The following SNX29 variants were observed in gnomAD, a reference collection of about 807,000 sequenced individuals.
The protein encoded by SNX29 is sorting nexin-29.
SNX29 carries 78 observed loss-of-function variants against 102.1 expected under a neutral mutation model. That is an observed-to-expected ratio of 0.76 (90% CI 0.64 to 0.92). SNX29 has a LOEUF of 0.92. Ranked by LOEUF, SNX29 falls within the 40% of genes least tolerant of loss-of-function variation. SNX29 has a pLI of 0.00. For synonymous variants in SNX29, 580 were observed against 414.5 expected (o/e 1.40, Z -4.85); for missense variants, 1,280 against 1,061.7 (o/e 1.21, Z -2.86).
At chr16:12,194,622 GTTTT>G (rs34250906) in intron 13 of SNX29, among the ~76,000 whole-genome samples, 3 of 129,164 alleles carry the variant, frequency 2.3e-5, no homozygotes, top group African/African-American at 2.9e-5. Context: ...GGGGTGGGTA[GTTTT>G]TTTTTTTTTT....
intron 15 of SNX29, among the ~76,000 whole-genome samples, chr16:12,310,094 ACACACATGCACACATACACGTGCACG>A (rs1489785989): frequency 2.1e-5 from 3 of 142,784 alleles, no homozygotes; most frequent in African/African-American, 5.5e-5. Flanking sequence ...GCACACATGC[ACACACATGCACACATACACGTGCACG>A]CACACATGCA....
intron 13 of SNX29, among the ~76,000 whole-genome samples, chr16:12,156,114 T>C (rs1015613085): frequency 6.6e-6 from 1 of 152,238 alleles, no homozygotes; most frequent in Non-Finnish European, 1.5e-5. Context: ...AACGTTTCTC[T>C]CTACCAAGAC....
intron 17 of SNX29, among the ~76,000 whole-genome samples, chr16:12,401,217 G>A (rs998677492): frequency 3.9e-5 from 6 of 152,140 alleles, no homozygotes; most frequent in Non-Finnish European, 7.3e-5. Context: ...AAACCAATTA[G>A]ATTTAACAGC....
chr16:12,036,803 T>G (rs2057489440), intron 4 of SNX29, among the ~76,000 whole-genome samples: 1 of 152,166 alleles, frequency 6.6e-6, no homozygotes, highest in African/African-American at 2.4e-5. Flanking sequence ...GTCAGATGAC[T>G]GAAGAACATG....
In SNX29 at chr16:12,152,264, C is replaced by A. The variant is rs535078477; in HGVS notation, c.1595+22506C>A. 5.3e-5 allele frequency among the ~76,000 whole-genome samples: 8 copies of A among 152,124 alleles called. 1 individual carries two copies. Among genetic ancestry groups the A allele is most frequent in the East Asian group, 3.9e-4 (2 of 5,164 alleles). Reference sequence around the variant, plus strand: ...ATAATACACATGAAAAGATTCACATCGTAGAATCTTTGGTTTCTGTGATAC... The same window carrying A: ...ATAATACACATGAAAAGATTCACATAGTAGAATCTTTGGTTTCTGTGATAC... On this transcript the variant is annotated intron_variant, in intron 13 of 20. Transcript: ENST00000566228.
chr16:12,325,906 G>A (rs185977165), intron 15 of SNX29, among the ~76,000 whole-genome samples: 303 of 152,150 alleles, frequency 2.0e-3, no homozygotes, highest in African/African-American at 6.5e-3. Flanking sequence ...GCATGTACCC[G>A]TAGTTTCGAC....
At chr16:12,331,246 A>G (rs2081284403) in intron 15 of SNX29, among the ~76,000 whole-genome samples, 1 of 152,144 alleles carries the variant, frequency 6.6e-6, no homozygotes, top group African/African-American at 2.4e-5. Context: ...ACTCCTACAC[A>G]GAGATCATGA....
At chr16:12,008,856 C>G (rs1414846393) in intron 3 of SNX29, among the ~76,000 whole-genome samples, 2 of 151,830 alleles carry the variant, frequency 1.3e-5, no homozygotes, top group Admixed American at 1.3e-4. Flanking sequence ...ATTCTCTTGA[C>G]TCAGCCTCCC....
chr16:12,026,905 T>C (rs1325225300), intron 3 of SNX29, among the ~76,000 whole-genome samples: 3 of 152,218 alleles, frequency 2.0e-5, no homozygotes, highest in Admixed American at 2.0e-4. Context: ...AACATAATCT[T>C]GTTCCTTAAA....
chr16:12,294,118 A>T (rs2079897810), intron 15 of SNX29, among the ~76,000 whole-genome samples: 1 of 152,210 alleles, frequency 6.6e-6, no homozygotes, highest in African/African-American at 2.4e-5. Flanking sequence ...GAATGTGAGA[A>T]TCGAAATCCT....
chr16:12,191,728 G>A (rs1408732352), intron 13 of SNX29, among the ~76,000 whole-genome samples: 1 of 151,050 alleles, frequency 6.6e-6, no homozygotes, highest in Non-Finnish European at 1.5e-5. Context: ...TTCAACATTG[G>A]TTGTTTTATT....
Position 11,999,380 on chromosome 16 carries a change from G to T in SNX29, c.69+22G>T, listed in dbSNP as rs762649488. The T allele has an allele frequency of 2.5e-6, 4 of 1,613,470 alleles. No individual in the cohort carries two copies. In the East Asian group the frequency reaches 8.9e-5, roughly 36 times the overall value. ...ACAGGTAAGCAGAAAGCACACATTT[G>T]CCTTTTTGGTCGAGTAATAGTGTCA... On this transcript the variant is annotated intron_variant, in intron 2 of 20. Transcript: ENST00000566228.
chr16:12,443,797 T>C (rs935993342), intron 18 of SNX29, among the ~76,000 whole-genome samples: 2 of 152,262 alleles, frequency 1.3e-5, no homozygotes, highest in African/African-American at 4.8e-5. Context: ...ATGGCTGTCA[T>C]GTGTGACTTT....
intron 11 of SNX29, among the ~76,000 whole-genome samples, chr16:12,085,221 A>C (rs1046719227): frequency 3.3e-5 from 5 of 152,148 alleles, no homozygotes; most frequent in African/African-American, 1.2e-4. Flanking sequence ...GTTCCTGACA[A>C]ACCCTCAAAG....
At chr16:12,115,493 G>GTT in intron 11 of SNX29, among the ~76,000 whole-genome samples, 1 of 150,722 alleles carries the variant, frequency 6.6e-6, no homozygotes, top group African/African-American at 2.4e-5. Context: ...ATTTGTGTGT[G>GTT]TGTGTGTGTG....
chr16:12,564,128 C>G (rs981857789), intron 20 of SNX29, among the ~76,000 whole-genome samples: 2 of 152,092 alleles, frequency 1.3e-5, no homozygotes, highest in South Asian at 4.1e-4. Context: ...GTGGATCGTG[C>G]CTATAATCCC....
At chr16:12,539,617 T>A (rs562393441) in intron 20 of SNX29, among the ~76,000 whole-genome samples, 69 of 152,340 alleles carry the variant, frequency 4.5e-4, no homozygotes, top group South Asian at 2.3e-3. Context: ...AGTTGAGGAC[T>A]GGATCCTATG....
chr16:12,350,835 T>C (rs561393003), intron 15 of SNX29, among the ~76,000 whole-genome samples: 1 of 152,290 alleles, frequency 6.6e-6, no homozygotes, highest in Admixed American at 6.5e-5. Context: ...TGAATCAGAA[T>C]TTCAGGGGCC....
chr16:12,554,323 G>A (rs1457811963), intron 20 of SNX29, among the ~76,000 whole-genome samples: 1 of 152,148 alleles, frequency 6.6e-6, no homozygotes, highest in Non-Finnish European at 1.5e-5. Flanking sequence ...ACTAAAATGG[G>A]ACCAGATGTC....
Sources: gnomAD v4.1 joint callset for allele counts (sites outside exome capture counted in the v4.1 genomes callset) on GRCh38, gnomAD v4.1.1 for gene constraint, MANE v1.5 for transcripts, NCBI Gene and HGNC (gene_info 2026-07-23, HGNC 2026-07-21) for gene names.